The following GBE1 variants were observed in gnomAD, a reference collection of about 807,000 sequenced individuals.
The protein encoded by GBE1 is 1,4-alpha-glucan branching enzyme 1, also known as 1,4-alpha-glucan-branching enzyme.
A neutral mutation model predicts 88.8 loss-of-function variants in GBE1; 70 were observed. The observed-to-expected ratio is 0.79, with a 90% CI of 0.65 to 0.96. GBE1 has a LOEUF of 0.96. Ranked by LOEUF, GBE1 falls within the 40% of genes least tolerant of loss-of-function variation. GBE1 has a pLI of 0.00. For missense variants in GBE1, 872 were observed against 871.0 expected, an observed-to-expected ratio of 1.00 and a Z score of -0.01; for synonymous variants, 284 against 300.1, an observed-to-expected ratio of 0.95 and a Z score of 0.56.
intron 12 of GBE1, among the ~76,000 whole-genome samples, chr3:81,566,873 C>T (rs1287737025): frequency 6.6e-6 from 1 of 152,114 alleles, no homozygotes; most frequent in Non-Finnish European, 1.5e-5. Flanking sequence ...AGCCCCTTTC[C>T]CTTCTATGTT....
chr3:81,587,981 T>A (rs890161033), intron 9 of GBE1, among the ~76,000 whole-genome samples: 1 of 152,176 alleles, frequency 6.6e-6, no homozygotes, highest in Non-Finnish European at 1.5e-5. Flanking sequence ...CCCTCTTGCA[T>A]GTACTTGTTA....
intron 7 of GBE1, among the ~76,000 whole-genome samples, chr3:81,600,116 C>A (rs1312108825): frequency 6.6e-6 from 1 of 152,022 alleles, no homozygotes; most frequent in Non-Finnish European, 1.5e-5. Context: ...CAAAATTTAT[C>A]TGGGCATGGT....
intron 14 of GBE1, among the ~76,000 whole-genome samples, chr3:81,527,001 G>A (rs1396996816): frequency 6.6e-6 from 1 of 152,080 alleles, no homozygotes; most frequent in Non-Finnish European, 1.5e-5. Flanking sequence ...AAAACAGCAT[G>A]GTACTGGTAC....
intron 14 of GBE1, among the ~76,000 whole-genome samples, chr3:81,508,992 T>A (rs943092679): frequency 3.3e-5 from 5 of 152,128 alleles, no homozygotes; most frequent in African/African-American, 4.8e-5. Context: ...ACACCCTATG[T>A]AGCACTGGGA....
At position 81,500,986 on chromosome 3, in the gene GBE1, A is replaced by G. The variant is rs547970622; in HGVS notation, c.1935-1759T>C. On this transcript the variant is annotated intron_variant, in intron 14 of 15. Transcript: ENST00000429644. ...GAAGGCTGGGGGAGGGTGAGTATGG[A>G]AAAACTACCCATCAGGTACTATGCT... 8.5e-5 allele frequency among the ~76,000 whole-genome samples: 13 copies of G among 152,252 alleles called. No individual in the cohort carries two copies. In the South Asian group the frequency reaches 2.7e-3, roughly 32 times the overall value.
intron 5 of GBE1, among the ~76,000 whole-genome samples, chr3:81,647,907 G>A (rs1377696670): frequency 1.3e-5 from 2 of 152,056 alleles, no homozygotes; most frequent in Non-Finnish European, 2.9e-5. Flanking sequence ...ACAAAGATGA[G>A]TAAGAGAATC....
At chr3:81,609,227 A>C (rs1704140886) in intron 7 of GBE1, among the ~76,000 whole-genome samples, 1 of 152,148 alleles carries the variant, frequency 6.6e-6, no homozygotes, top group South Asian at 2.1e-4. Context: ...TTTTACTGAA[A>C]ACTCAAAACC....
chr3:81,495,250 G>A (rs820275), intron 15 of GBE1, among the ~76,000 whole-genome samples: 1 of 151,874 alleles, frequency 6.6e-6, no homozygotes, highest in African/African-American at 2.4e-5. Flanking sequence ...TTAGCTGGGC[G>A]TGGTGGTGTG....
At chr3:81,563,111 G>A (rs1703443119) in intron 12 of GBE1, among the ~76,000 whole-genome samples, 1 of 151,946 alleles carries the variant, frequency 6.6e-6, no homozygotes, top group Non-Finnish European at 1.5e-5. Flanking sequence ...TTCAGCCTAT[G>A]GATCCTTCCA....
chr3:81,558,589 A>G (rs1027203119), intron 12 of GBE1, among the ~76,000 whole-genome samples: 3 of 152,052 alleles, frequency 2.0e-5, no homozygotes, highest in Non-Finnish European at 4.4e-5. Context: ...AAGACAAAAC[A>G]AGATAGCAGT....
intron 3 of GBE1, among the ~76,000 whole-genome samples, chr3:81,662,078 G>A (rs1260577021): frequency 1.3e-5 from 2 of 151,908 alleles, no homozygotes; most frequent in East Asian, 3.9e-4. Context: ...TGTTGCCCAG[G>A]CTGGAGTGCA....
At chr3:81,534,982 G>A in intron 14 of GBE1, 2 of 486,500 alleles carry the variant, frequency 4.1e-6, no homozygotes, top group Non-Finnish European at 7.1e-6. Flanking sequence ...TAACCCCTCT[G>A]TTTAAACCCA....
intron 7 of GBE1, among the ~76,000 whole-genome samples, chr3:81,619,065 T>C (rs1020894873): frequency 6.6e-5 from 10 of 152,156 alleles, no homozygotes; most frequent in Admixed American, 5.9e-4. Flanking sequence ...GCAAGGAACA[T>C]GTAATTTTCA....
intron 2 of GBE1, among the ~76,000 whole-genome samples, chr3:81,694,877 G>A (rs949310187): frequency 1.3e-5 from 2 of 152,094 alleles, no homozygotes; most frequent in South Asian, 2.1e-4. Context: ...ACTGAAGGAC[G>A]TCAAAAAGAC....
intron 12 of GBE1, among the ~76,000 whole-genome samples, chr3:81,564,301 G>A (rs1019686030): frequency 4.6e-5 from 7 of 152,056 alleles, no homozygotes; most frequent in Non-Finnish European, 8.8e-5. Context: ...CCTGGGCACC[G>A]CAGTGGGTGT....
intron 7 of GBE1, among the ~76,000 whole-genome samples, chr3:81,598,379 G>A (rs1032086121): frequency 2.3e-5 from 3 of 133,092 alleles, no homozygotes; most frequent in Non-Finnish European, 3.2e-5. Flanking sequence ...AGATTGTGAG[G>A]AAAAATGAGA....
At chr3:81,655,637 C>T (rs1454078173) in intron 3 of GBE1, among the ~76,000 whole-genome samples, 1 of 152,124 alleles carries the variant, frequency 6.6e-6, no homozygotes, top group Non-Finnish European at 1.5e-5. Flanking sequence ...CTGCCTCAGC[C>T]TCCTGAGTAG....
intron 7 of GBE1, among the ~76,000 whole-genome samples, chr3:81,599,332 G>A (rs890895549): frequency 2.6e-5 from 4 of 152,112 alleles, no homozygotes; most frequent in African/African-American, 9.7e-5. Context: ...GTGCGTGTGT[G>A]TGTGTGTAGG....
At chr3:81,757,495 TA>T (rs1706618909) in intron 1 of GBE1, among the ~76,000 whole-genome samples, 1 of 152,180 alleles carries the variant, frequency 6.6e-6, no homozygotes. Context: ...GTTGTTTCTG[TA>T]AACCATACTA....
Sources: gnomAD v4.1 joint callset for allele counts (sites outside exome capture counted in the v4.1 genomes callset) on GRCh38, gnomAD v4.1.1 for gene constraint, MANE v1.5 for transcripts, NCBI Gene and HGNC (gene_info 2026-07-23, HGNC 2026-07-21) for gene names.